The following BICD1 variants were observed in gnomAD, a reference collection of about 807,000 sequenced individuals.
The protein encoded by BICD1 is protein bicaudal D homolog 1.
BICD1 carries 35 observed loss-of-function variants against 92.5 expected under a neutral mutation model. That is an observed-to-expected ratio of 0.38 (90% CI 0.29 to 0.50). BICD1 has a LOEUF of 0.50. Ranked by LOEUF, BICD1 falls within the 20% of genes least tolerant of loss-of-function variation. The pLI is 0.93. For missense variants in BICD1, 950 were observed against 1,189.8 expected, an observed-to-expected ratio of 0.80 and a Z score of 2.97; for synonymous variants, 429 against 465.1, an observed-to-expected ratio of 0.92 and a Z score of 1.00.
chr12:32,300,738 G>A (rs1948019841), intron 3 of BICD1, among the ~76,000 whole-genome samples: 1 of 138,632 alleles, frequency 7.2e-6, no homozygotes. Context: ...TCTGCCTCCC[G>A]GGTTCACGCC....
chr12:32,187,412 G>A (rs143626825), intron 1 of BICD1, among the ~76,000 whole-genome samples: 2,201 of 152,244 alleles, frequency 0.014, 93 homozygotes, highest in Admixed American at 0.089. Context: ...GGTGGCTCAC[G>A]TCTGTAATCT....
intron 3 of BICD1, among the ~76,000 whole-genome samples, chr12:32,298,328 G>T (rs553239947): frequency 1.3e-5 from 2 of 152,100 alleles, no homozygotes; most frequent in Non-Finnish European, 2.9e-5. Flanking sequence ...TTGGGAGGCC[G>T]AGGTGGGCGG....
intron 2 of BICD1, among the ~76,000 whole-genome samples, chr12:32,264,157 G>A (rs1946931587): frequency 6.6e-6 from 1 of 152,178 alleles, no homozygotes; most frequent in Non-Finnish European, 1.5e-5. Context: ...TCACAATGCT[G>A]TTGTGAGGAG....
intron 2 of BICD1, among the ~76,000 whole-genome samples, chr12:32,243,458 T>G (rs1435291462): frequency 6.6e-6 from 1 of 151,916 alleles, no homozygotes; most frequent in Non-Finnish European, 1.5e-5. Context: ...TAATTAAAAT[T>G]TATTGATCCA....
chr12:32,362,728 C>T lies in BICD1; in HGVS notation c.2765-4942C>T, dbSNP rs561259222. On this transcript the variant is annotated intron_variant, in intron 8 of 9. Transcript: ENST00000652176. ...AAAGACTAAATTTAAATCCTTGTTC[C>T]GCCACTTCCTAACTGTGTGACCTTG... Among the ~76,000 whole-genome samples the T allele has an allele frequency of 7.2e-5, 11 of 152,214 alleles. No homozygotes were observed. The East Asian group carries it at 7.7e-4, about 11-fold the overall frequency.
In BICD1 at chr12:32,145,502, C is replaced by T. The variant is rs567328156; in HGVS notation, c.213+37958C>T. 1.1e-4 allele frequency among the ~76,000 whole-genome samples: 17 copies of T among 152,284 alleles called. No individual in the cohort carries two copies. The East Asian group carries it at 3.1e-3, about 28-fold the overall frequency. On this transcript the variant is annotated intron_variant, in intron 1 of 9. Coordinates refer to ENST00000652176, the MANE Select transcript of BICD1 (RefSeq NM_001714.4). The stretch of plus-strand genomic sequence containing the variant: ...AGATCCTGAAAATCTTTAAGTAGCT[C>T]CTGGACTTGGAAGAGGGAAGGAAGG...
chr12:32,110,977 TAAAGTA>T (rs935627248), intron 1 of BICD1, among the ~76,000 whole-genome samples: 1 of 151,204 alleles, frequency 6.6e-6, no homozygotes, highest in African/African-American at 2.4e-5. Context: ...CCCTAAAACT[TAAAGTA>T]TAATAATAAA....
rs1216999018 is a variant in BICD1, at chr12:32,242,778, G to A, written c.426+26319G>A. Among the ~76,000 whole-genome samples, 7 of 152,252 alleles carry A rather than the reference G, an allele frequency of 4.6e-5. No homozygotes were observed. The South Asian group carries it at 1.5e-3, about 32-fold the overall frequency. ...TAAATCTACTGATCGTTTCTTATGA[G>A]ATTCCTTAGAGTGCCCTTTAAGTAT... is the stretch of plus-strand genomic sequence containing the variant. On this transcript the variant is annotated intron_variant, in intron 2 of 9. Coordinates refer to ENST00000652176, the MANE Select transcript of BICD1 (RefSeq NM_001714.4).
chr12:32,198,656 T>C (rs1013471029), intron 1 of BICD1, among the ~76,000 whole-genome samples: 2 of 151,970 alleles, frequency 1.3e-5, no homozygotes, highest in African/African-American at 4.8e-5. Context: ...TCCACTCTTA[T>C]GACTTCTGGC....
intron 1 of BICD1, among the ~76,000 whole-genome samples, chr12:32,159,897 G>T (rs1943550289): frequency 8.6e-6 from 1 of 116,216 alleles, no homozygotes; most frequent in Non-Finnish European, 2.1e-5. Context: ...TGCCTGCCTT[G>T]GACCCAGAGC....
chr12:32,263,440 G>C (rs1415870570), intron 2 of BICD1, among the ~76,000 whole-genome samples: 1 of 151,100 alleles, frequency 6.6e-6, no homozygotes, highest in South Asian at 2.1e-4. Context: ...CCAGCTACTC[G>C]GGAGGCTGAG....
chr12:32,119,500 G>A (rs1364677919), intron 1 of BICD1, among the ~76,000 whole-genome samples: 1 of 152,214 alleles, frequency 6.6e-6, no homozygotes, highest in Non-Finnish European at 1.5e-5. Flanking sequence ...CCTTAGAGAT[G>A]CAGCCAGGGT....
intron 2 of BICD1, among the ~76,000 whole-genome samples, chr12:32,236,872 CTTTTTTTT>C (rs57318640): frequency 3.4e-5 from 3 of 89,306 alleles, no homozygotes; most frequent in East Asian, 7.6e-4. Flanking sequence ...AAGTCTAATT[CTTTTTTTT>C]TTTTTTTTTT....
intron 2 of BICD1, among the ~76,000 whole-genome samples, chr12:32,290,230 T>G (rs1348514619): frequency 6.7e-6 from 1 of 148,432 alleles, no homozygotes; most frequent in Non-Finnish European, 1.5e-5. Context: ...TAGCTTCAGC[T>G]TCAGGATTGA....
At chr12:32,165,092 A>G (rs1943714460) in intron 1 of BICD1, among the ~76,000 whole-genome samples, 1 of 152,214 alleles carries the variant, frequency 6.6e-6, no homozygotes. Context: ...CCTGAGGTTC[A>G]CATGAGAGCT....
At chr12:32,156,441 G>A (rs1740384968) in intron 1 of BICD1, among the ~76,000 whole-genome samples, 1 of 152,110 alleles carries the variant, frequency 6.6e-6, no homozygotes, top group African/African-American at 2.4e-5. Flanking sequence ...GTCTTAGTTG[G>A]GGCTCAGGTT....
intron 1 of BICD1, among the ~76,000 whole-genome samples, chr12:32,141,472 T>TTTTTG (rs891743170): frequency 2.0e-5 from 3 of 152,086 alleles, no homozygotes; most frequent in East Asian, 1.9e-4. Flanking sequence ...TTGGACACAC[T>TTTTTG]TTTTGTTTTG....
intron 2 of BICD1, among the ~76,000 whole-genome samples, chr12:32,248,814 G>A (rs1164173066): frequency 1.3e-5 from 2 of 152,166 alleles, no homozygotes; most frequent in East Asian, 3.9e-4. Flanking sequence ...AGGGGGGTCT[G>A]GAAAAGCAGG....
chr12:32,342,204 G>GTATATATATATGTGTGTGTGTGTATA (rs1938404748), intron 8 of BICD1, among the ~76,000 whole-genome samples: 2 of 119,302 alleles, frequency 1.7e-5, no homozygotes, highest in Non-Finnish European at 3.4e-5. Context: ...GTGTGTGTGT[G>GTATATATATATGTGTGTGTGTGTATA]TATATATATA....
Sources: allele counts gnomAD v4.1 joint callset (sites outside exome capture counted in the v4.1 genomes callset), GRCh38; gene constraint gnomAD v4.1.1; transcripts MANE v1.5; gene names NCBI Gene and HGNC (gene_info 2026-07-23, HGNC 2026-07-21).